Variants in TNRC18 observed in about 807,000 individuals in gnomAD.
TNRC18 encodes the protein trinucleotide repeat-containing gene 18 protein.
Under a neutral mutation model 226.7 loss-of-function variants are expected in TNRC18, and 69 were observed. The ratio of observed to expected loss-of-function variants is 0.30; its 90% CI spans 0.25 to 0.37. The LOEUF is 0.37. TNRC18 is among the 10% of genes least tolerant of loss of function. The probability of loss-of-function intolerance (pLI) is 1.00; values close to 1 mark genes in which losing one functional copy is unlikely to be tolerated. For synonymous variants in TNRC18, 2,449 were observed against 1,927.6 expected (o/e 1.27, Z -7.09); for missense variants, 4,754 against 4,256.6 (o/e 1.12, Z -3.25).
chr7:5,391,384 T>A (rs1584041061), intron 3 of TNRC18, among the ~76,000 whole-genome samples: 1 of 151,866 alleles, frequency 6.6e-6, no homozygotes, highest in Admixed American at 6.6e-5. Context: ...GGATCTCGGT[T>A]CACTGCAACC....
At position 5,394,137 on chromosome 7, in the gene TNRC18, C is replaced by A. The variant is rs1780491527; in HGVS notation, c.343+303G>T. The stretch of plus-strand genomic sequence containing the variant: ...GTTCATGAATGATGAGATAATCTGT[C>A]GTCACAAGCAAGTGATGGAAGTGGG... On this transcript the variant is annotated intron_variant, in intron 3 of 29. Coordinates refer to ENST00000430969, the MANE Select transcript of TNRC18 (RefSeq NM_001080495.3). The surrounding 1 kb of genome is among the most constrained non-coding windows in gnomAD (Gnocchi z 4.5). Among the ~76,000 whole-genome samples, 1 of 152,110 alleles carries A rather than the reference C, an allele frequency of 6.6e-6. No homozygotes were observed. The highest frequency in any genetic ancestry group is 6.5e-5 in the Admixed American group (1 of 15,270).
chr7:5,404,590 G>T (rs1192896003), intron 2 of TNRC18, among the ~76,000 whole-genome samples: 1 of 152,022 alleles, frequency 6.6e-6, no homozygotes, highest in Non-Finnish European at 1.5e-5. Flanking sequence ...TCCAGCTTTT[G>T]GAAAACAAAT....
At chr7:5,340,154 T>C (rs1790545529) in intron 18 of TNRC18, among the ~76,000 whole-genome samples, 1 of 152,234 alleles carries the variant, frequency 6.6e-6, no homozygotes, top group African/African-American at 2.4e-5. Flanking sequence ...CAAGGCCTCT[T>C]GTGCCAAACT....
intron 10 of TNRC18, among the ~76,000 whole-genome samples, chr7:5,372,551 A>G (rs2128174533): frequency 6.6e-6 from 1 of 152,162 alleles, no homozygotes; most frequent in South Asian, 2.1e-4. Flanking sequence ...CTAAAAAAAA[A>G]AAAAGAAAAA....
intron 16 of TNRC18, among the ~76,000 whole-genome samples, chr7:5,356,635 G>A (rs917943842): frequency 1.1e-4 from 16 of 152,276 alleles, no homozygotes; most frequent in African/African-American, 3.6e-4. Context: ...AGACAGGGCC[G>A]GCGGAGGTCG....
intron 5 of TNRC18, among the ~76,000 whole-genome samples, chr7:5,385,444 C>T (rs1343492687): frequency 7.3e-6 from 1 of 137,134 alleles, no homozygotes; most frequent in Non-Finnish European, 1.5e-5. Flanking sequence ...GCCGAGATTG[C>T]GCCACTGCAG....
At position 5,345,901 on chromosome 7, in the gene TNRC18, T is replaced by C; in HGVS notation, c.5471-91A>G. The C allele has an allele frequency of 2.7e-6, 4 of 1,455,694 alleles. No individual in the cohort carries two copies. The Admixed American group carries it at 7.2e-5, about 26-fold the overall frequency. The allele number at this position is 1,455,694 out of a possible 1,614,324, so 90.2% of individuals were successfully genotyped here. ...CCCTGGCCCAGAGTGGCCTCTGGGC[T>C]CCAGCCTAGTCCCTCAGTCCTGAGC... On this transcript the variant is annotated intron_variant, in intron 17 of 29. Coordinates refer to ENST00000430969, the MANE Select transcript of TNRC18 (RefSeq NM_001080495.3).
Position 5,315,035 on chromosome 7 carries a change from C to G in TNRC18, c.6976G>C (p.Gly2326Arg). The G allele has an allele frequency of 6.2e-7, 1 of 1,609,150 alleles. No homozygotes were observed. The highest frequency in any genetic ancestry group is 8.5e-7 in the Non-Finnish European group (1 of 1,178,274). The stretch of plus-strand genomic sequence containing the variant: ...CGCCCACGCCCACGGGCCTTGGCTC[C>G]TGGCTCCTCCGACCCAGCCGTGCCA... ...DGGTAGSEEP[G>R]AKARGRGRKP... Residue 2326 changes from glycine to arginine, a missense_variant, in exon 26 of 30, where the codon GGA becomes CGA. Transcript: ENST00000430969.
chr7:5,347,188 AATT>A (rs1791284885), intron 17 of TNRC18, among the ~76,000 whole-genome samples: 2 of 143,834 alleles, frequency 1.4e-5, no homozygotes, highest in Non-Finnish European at 1.5e-5. Context: ...CAAAAAAAAA[AATT>A]TTTTTTTTTT....
Position 5,359,406 on chromosome 7 carries a change from T to C in TNRC18, c.4825A>G (p.Ile1609Val). 4 of 1,614,024 alleles carry C rather than the reference T, an allele frequency of 2.5e-6. No individual in the cohort carries two copies. The highest frequency in any genetic ancestry group is 2.2e-5 in the East Asian group (1 of 44,878). The change falls in exon 15 of 30, where the codon ATC becomes GTC. Residue 1609 changes from isoleucine to valine, a missense_variant. By Grantham distance (29) the Ile-to-Val change is conservative. Transcript: ENST00000430969. The stretch of plus-strand genomic sequence containing the variant: ...AAGACTGGGTTACTCACCTGACTGA[T>C]GAAGTCCGACGAGGCCTCATGTTCA... ...WDEHEASSDF[I>V]SQLKIKKKKM...
At chr7:5,320,970 A>C (rs1583758905) in intron 22 of TNRC18, 103 bp downstream of exon 22, 1 of 856,058 alleles carries the variant, frequency 1.2e-6, no homozygotes, top group East Asian at 2.7e-5. Flanking sequence ...CCATCGGGGG[A>C]AACCACAGCC....
intron 11 of TNRC18, among the ~76,000 whole-genome samples, chr7:5,363,383 A>C (rs963532259): frequency 3.9e-5 from 6 of 152,092 alleles, no homozygotes; most frequent in African/African-American, 2.4e-5. Flanking sequence ...CGGGCAGATC[A>C]TGAGGTCAGG....
intron 21 of TNRC18, 38 bp from the exon 22 acceptor site, chr7:5,321,228 G>A (rs1398886162): frequency 1.4e-6 from 2 of 1,440,088 alleles, no homozygotes; most frequent in Non-Finnish European, 1.9e-6. Context: ...CTGGAGCCGG[G>A]GGCGTCTGCG....
intron 18 of TNRC18, among the ~76,000 whole-genome samples, chr7:5,340,144 C>G (rs976395408): frequency 7.9e-5 from 12 of 152,206 alleles, no homozygotes; most frequent in Admixed American, 7.9e-4. Flanking sequence ...AGCCTAGAAG[C>G]AAGGCCTCTT....
intron 10 of TNRC18, 103 bp downstream of exon 10, chr7:5,373,952 G>T: frequency 1.1e-6 from 1 of 929,742 alleles, no homozygotes; most frequent in Non-Finnish European, 1.5e-6. Flanking sequence ...GCTCCGTGGA[G>T]GTGGAATGAA....
rs1055670638 is a variant in TNRC18 at position 5,312,195 on chromosome 7, C to T, written c.8388+308G>A. The stretch of plus-strand genomic sequence containing the variant: ...GAAAGCCCCTTCCACGTGGCGCCGA[C>T]GCCTGTGGGTCTGTGCTGATCTTTG... On this transcript the variant is annotated intron_variant, in intron 27 of 29. Transcript: ENST00000430969. The surrounding 1 kb of genome is among the most constrained non-coding windows in gnomAD (Gnocchi z 6.3). 6.6e-5 allele frequency among the ~76,000 whole-genome samples: 10 copies of T among 152,132 alleles called. No homozygotes were observed. The highest frequency in any genetic ancestry group is 1.4e-4 in the African/African-American group (6 of 41,458).
chr7:5,345,525 C>CCCCCCCCCCCCCCCCCCCCCCCCAACA, intron 18 of TNRC18, 37 bp downstream of exon 18: 1 of 217,344 alleles, frequency 4.6e-6, no homozygotes, highest in Non-Finnish European at 9.4e-6. Context: ...CCGCCCCTCC[C>CCCCCCCCCCCCCCCCCCCCCCCCAACA]ACCCACCCCC....
At chr7:5,418,326 A>G (rs936967172) in intron 2 of TNRC18, among the ~76,000 whole-genome samples, 9 of 152,176 alleles carry the variant, frequency 5.9e-5, no homozygotes, top group Non-Finnish European at 1.3e-4. Context: ...AACCCCATTC[A>G]TTCTTAAATT....
At chr7:5,379,469 C>A (rs1779246333) in intron 5 of TNRC18, among the ~76,000 whole-genome samples, 1 of 152,146 alleles carries the variant, frequency 6.6e-6, no homozygotes, top group Non-Finnish European at 1.5e-5. Flanking sequence ...GAGGGGGTGG[C>A]CTTGGCCCCC....
Sources: allele counts gnomAD v4.1 joint callset (sites outside exome capture counted in the v4.1 genomes callset), GRCh38; gene constraint gnomAD v4.1.1; non-coding constraint Gnocchi (gnomAD v3.1); transcripts MANE v1.5; gene names NCBI Gene and HGNC (gene_info 2026-07-23, HGNC 2026-07-21).